RAB11FIP3: variants seen among roughly 807,000 people sequenced by gnomAD.
The protein encoded by RAB11FIP3 is RAB11 family interacting protein 3.
In RAB11FIP3, 17 loss-of-function variants were observed where a neutral mutation model predicts 77.8. That is an observed-to-expected ratio of 0.22 (90% CI 0.15 to 0.33). The LOEUF (loss-of-function observed/expected upper bound fraction) is 0.33, where lower values mean the gene tolerates loss of function less well. Among genes scored for constraint, RAB11FIP3 ranks in the 10% least tolerant of loss-of-function variants. The pLI is 1.00. For synonymous variants in RAB11FIP3, 437 were observed against 448.2 expected (o/e 0.98, Z 0.31); for missense variants, 1,005 against 1,011.2 (o/e 0.99, Z 0.08).
At chr16:496,971 C>A in intron 6 of RAB11FIP3, 112 bp downstream of exon 6, 1 of 1,217,872 alleles carries the variant, frequency 8.2e-7, no homozygotes, top group Non-Finnish European at 1.2e-6. Flanking sequence ...TAAACTCTTG[C>A]AAGTTACTTT....
intron 1 of RAB11FIP3, among the ~76,000 whole-genome samples, chr16:432,956 G>T (rs968593027): frequency 1.0e-4 from 15 of 146,106 alleles, no homozygotes; most frequent in African/African-American, 3.8e-4. Context: ...CATGGGATGG[G>T]TACATGTGGT....
chr16:449,071 C>G (rs1040469717), intron 1 of RAB11FIP3, among the ~76,000 whole-genome samples: 4 of 149,234 alleles, frequency 2.7e-5, no homozygotes, highest in Non-Finnish European at 6.0e-5. Flanking sequence ...GACCACCACA[C>G]TCTACACAGT....
intron 1 of RAB11FIP3, among the ~76,000 whole-genome samples, chr16:433,870 A>AT (rs2055083329): frequency 1.3e-5 from 2 of 151,816 alleles, no homozygotes; most frequent in African/African-American, 4.8e-5. Context: ...AAAAAAAAAA[A>AT]AAGTACTCCA....
At chr16:438,448 C>G (rs1297028941) in intron 1 of RAB11FIP3, among the ~76,000 whole-genome samples, 3 of 148,534 alleles carry the variant, frequency 2.0e-5, no homozygotes, top group Non-Finnish European at 4.5e-5. Flanking sequence ...TTCTGTCACC[C>G]AGGCTGGAGT....
At chr16:470,009 T>G (rs929169844) in intron 2 of RAB11FIP3, among the ~76,000 whole-genome samples, 3 of 152,034 alleles carry the variant, frequency 2.0e-5, no homozygotes, top group Non-Finnish European at 4.4e-5. Flanking sequence ...TTTCTTTTTT[T>G]TTTGAGATGG....
At chr16:500,420 C>G (rs1970790) in intron 6 of RAB11FIP3, among the ~76,000 whole-genome samples, 1 of 152,090 alleles carries the variant, frequency 6.6e-6, no homozygotes, top group African/African-American at 2.4e-5. Context: ...CGGTGGTTCA[C>G]GCCTGTACTC....
In RAB11FIP3 at chr16:428,574, T is replaced by A. The variant is rs149803321; in HGVS notation, c.714+1854T>A. The stretch of plus-strand genomic sequence containing the variant: ...TACCACAGTTCTCTGAGATAGTAGG[T>A]AAGCAGGATTCATCCCCACTTTACA... On this transcript the variant is annotated intron_variant, in intron 1 of 13. Transcript: ENST00000262305. 8.6e-3 allele frequency among the ~76,000 whole-genome samples: 1,303 copies of A among 152,150 alleles called. 18 individuals carry two copies. Among genetic ancestry groups the A allele is most frequent in the Middle Eastern group, 0.031 (9 of 294 alleles).
chr16:495,334 A>G (rs1055109635), intron 5 of RAB11FIP3, among the ~76,000 whole-genome samples: 2 of 152,156 alleles, frequency 1.3e-5, no homozygotes, highest in Non-Finnish European at 2.9e-5. Context: ...ACCAGCTGCA[A>G]ACGGCGTGGT....
chr16:448,019 A>G (rs949386404), intron 1 of RAB11FIP3, among the ~76,000 whole-genome samples: 22 of 152,166 alleles, frequency 1.4e-4, no homozygotes, highest in African/African-American at 4.6e-4. Flanking sequence ...AAAATTTGAC[A>G]TATGAAAAAG....
chr16:493,410 T>C (rs2141818235), intron 5 of RAB11FIP3, among the ~76,000 whole-genome samples: 1 of 152,290 alleles, frequency 6.6e-6, no homozygotes, highest in South Asian at 2.1e-4. Flanking sequence ...TGCCTGAAAG[T>C]AAGCTTATTT....
rs1423304496 is a variant in RAB11FIP3 at position 472,256 on chromosome 16, A to C, written c.903+867A>C. Among the ~76,000 whole-genome samples, 1 of 152,130 alleles carries C rather than the reference A, an allele frequency of 6.6e-6. No homozygotes were observed. Among genetic ancestry groups the C allele is most frequent in the African/African-American group, 2.4e-5 (1 of 41,436 alleles). On this transcript the variant is annotated intron_variant, in intron 3 of 13. Transcript: ENST00000262305. This position sits in a 1 kb window ranked among gnomAD's most constrained non-coding sequence, Gnocchi z 4.1. ...CGAGAAGCTGCCCCAGGGATTAGTCACCCTCACCCTTGGGTGGGCAGCTTA... is the reference window on the plus strand; with the variant it reads ...CGAGAAGCTGCCCCAGGGATTAGTCCCCCTCACCCTTGGGTGGGCAGCTTA...
chr16:434,950 A>T (rs1274305059), intron 1 of RAB11FIP3, among the ~76,000 whole-genome samples: 1 of 152,180 alleles, frequency 6.6e-6, no homozygotes, highest in Non-Finnish European at 1.5e-5. Context: ...TCACGCCTGT[A>T]ATCCCAGCAC....
At chr16:467,746 C>G (rs138428574) in intron 2 of RAB11FIP3, among the ~76,000 whole-genome samples, 425 of 9,062 alleles carry the variant, frequency 0.047, 27 homozygotes, top group Middle Eastern at 0.25. Flanking sequence ...GTGCAGGGGC[C>G]TCAGGGAGGA....
chr16:494,949 C>T (rs2030978579), intron 5 of RAB11FIP3, among the ~76,000 whole-genome samples: 2 of 148,500 alleles, frequency 1.3e-5, no homozygotes, highest in African/African-American at 5.0e-5. Flanking sequence ...TCACATGAGC[C>T]GGGGAGGTCG....
chr16:499,053 A>C (rs1352911755), intron 6 of RAB11FIP3, among the ~76,000 whole-genome samples: 3 of 152,060 alleles, frequency 2.0e-5, no homozygotes, highest in African/African-American at 7.2e-5. Flanking sequence ...TCTACTAAAA[A>C]AATACAAGAT....
intron 1 of RAB11FIP3, chr16:453,525 G>A (rs1449510264): frequency 6.6e-6 from 1 of 151,490 alleles, no homozygotes; most frequent in Admixed American, 6.6e-5. Flanking sequence ...CAGGGAAAGC[G>A]AGTCGGTTCC....
intron 4 of RAB11FIP3, among the ~76,000 whole-genome samples, chr16:486,512 T>C (rs895629030): frequency 1.3e-5 from 2 of 152,106 alleles, no homozygotes; most frequent in African/African-American, 4.8e-5. Context: ...AACAAAAGTA[T>C]AACTCTTTTG....
chr16:450,288 C>T (rs974671303), intron 1 of RAB11FIP3, among the ~76,000 whole-genome samples: 1 of 152,096 alleles, frequency 6.6e-6, no homozygotes. Flanking sequence ...TTCTGTCTCA[C>T]CCTCCCGAGT....
intron 4 of RAB11FIP3, among the ~76,000 whole-genome samples, chr16:486,568 C>G (rs1054408641): frequency 5.3e-5 from 8 of 152,324 alleles, no homozygotes; most frequent in African/African-American, 1.9e-4. Context: ...GATCTAACTG[C>G]TAGCTAGCGC....
Sources: allele counts gnomAD v4.1 joint callset (sites outside exome capture counted in the v4.1 genomes callset), GRCh38; gene constraint gnomAD v4.1.1; non-coding constraint Gnocchi (gnomAD v3.1); transcripts MANE v1.5; gene names NCBI Gene and HGNC (gene_info 2026-07-23, HGNC 2026-07-21).